Variants in FNDC3B observed in about 807,000 individuals in gnomAD.
FNDC3B encodes fibronectin type III domain-containing protein 3B.
Under a neutral mutation model 151.5 loss-of-function variants are expected in FNDC3B, and 12 were observed. The observed-to-expected ratio is 0.08, with a 90% CI of 0.05 to 0.13. FNDC3B has a LOEUF of 0.13. Among genes scored for constraint, FNDC3B ranks in the 10% least tolerant of loss-of-function variants. The pLI is 1.00. For synonymous variants in FNDC3B, 528 were observed against 549.0 expected, an observed-to-expected ratio of 0.96 and a Z score of 0.54; for missense variants, 1,214 against 1,505.3, an observed-to-expected ratio of 0.81 and a Z score of 3.20.
chr3:172,150,852 TG>T (rs1722182954), intron 3 of FNDC3B, among the ~76,000 whole-genome samples: 1 of 152,176 alleles, frequency 6.6e-6, no homozygotes, highest in African/African-American at 2.4e-5. Context: ...TCCGCTCAAG[TG>T]TTTATCCTTC....
chr3:172,335,131 T>A (rs749105898), intron 15 of FNDC3B, 49 bp downstream of exon 15: 1 of 1,492,390 alleles, frequency 6.7e-7, no homozygotes, highest in Admixed American at 2.5e-5. Context: ...TTTCTTTTGA[T>A]AGATTTTTAA....
chr3:172,248,744 T>C (rs1293978675), intron 5 of FNDC3B, among the ~76,000 whole-genome samples: 3 of 148,734 alleles, frequency 2.0e-5, no homozygotes, highest in Non-Finnish European at 4.5e-5. Context: ...TTTTTATATA[T>C]ATAATTATTC....
At chr3:172,102,164 CT>C (rs1260642992) in intron 1 of FNDC3B, among the ~76,000 whole-genome samples, 4 of 152,156 alleles carry the variant, frequency 2.6e-5, no homozygotes, top group African/African-American at 9.7e-5. Context: ...AGAGCATGGA[CT>C]TTTCATTATC....
chr3:172,151,894 G>A lies in FNDC3B; in HGVS notation c.187+18348G>A, dbSNP rs114339308. 4.0e-3 allele frequency among the ~76,000 whole-genome samples: 608 copies of A among 152,284 alleles called. 3 individuals are homozygous for A. The highest frequency in any genetic ancestry group is 0.014 in the African/African-American group (588 of 41,568). On this transcript the variant is annotated intron_variant, in intron 3 of 25. Transcript: ENST00000415807. ...CAGCTTCCAGGAACCTGTGGATGAC[G>A]TTATGTGAGGGCTTACTGTATTTCT...
At chr3:172,208,077 T>G (rs1288438590) in intron 3 of FNDC3B, among the ~76,000 whole-genome samples, 1 of 150,886 alleles carries the variant, frequency 6.6e-6, no homozygotes, top group Non-Finnish European at 1.5e-5. Context: ...GTAAATTTCA[T>G]TCTATAAAGT....
chr3:172,165,207 A>AC (rs1722951529), intron 3 of FNDC3B, among the ~76,000 whole-genome samples: 1 of 152,002 alleles, frequency 6.6e-6, no homozygotes, highest in Admixed American at 6.6e-5. Flanking sequence ...ATGGGATTTC[A>AC]CCATGTTGCC....
chr3:172,177,158 C>T (rs1032098392), intron 3 of FNDC3B, among the ~76,000 whole-genome samples: 1 of 141,570 alleles, frequency 7.1e-6, no homozygotes, highest in Non-Finnish European at 1.6e-5. Context: ...CCAGATTCTA[C>T]AAGGAAATAC....
chr3:172,056,649 T>C (rs191949982), intron 1 of FNDC3B, among the ~76,000 whole-genome samples: 3 of 152,380 alleles, frequency 2.0e-5, no homozygotes, highest in East Asian at 3.9e-4. Flanking sequence ...TGGCTCAACG[T>C]AGTGTTTTGA....
intron 7 of FNDC3B, 118 bp downstream of exon 7, chr3:172,286,102 C>G: frequency 1.4e-6 from 1 of 700,488 alleles, no homozygotes; most frequent in Non-Finnish European, 2.5e-6. Flanking sequence ...TTGCAGATTA[C>G]TCATCAACTA....
At chr3:172,254,463 A>G (rs1728235750) in intron 6 of FNDC3B, among the ~76,000 whole-genome samples, 1 of 152,218 alleles carries the variant, frequency 6.6e-6, no homozygotes, top group African/African-American at 2.4e-5. Flanking sequence ...AGTTGTACAC[A>G]GTATGGAATA....
In FNDC3B at chr3:172,247,640, T is replaced by C. The variant is rs992062156; in HGVS notation, c.372T>C (p.Pro124=). The C allele has an allele frequency of 6.2e-7, 1 of 1,614,044 alleles. No individual in the cohort carries two copies. The highest frequency in any genetic ancestry group is 1.3e-5 in the African/African-American group (1 of 74,984). The change falls in exon 5 of 26, where the codon CCT becomes CCC. Residue 124 remains proline (P), a synonymous_variant. Transcript: ENST00000415807. ...PSAMSPTHHL[P]PYLTHHPHFI... is the part of the protein sequence containing the mutation. ...CCATGTCTCCAACCCATCATCTCCC[T>C]CCCTATCTGACTCACCATCCACATT...
chr3:172,089,189 G>C (rs1718690423), intron 1 of FNDC3B, among the ~76,000 whole-genome samples: 1 of 152,098 alleles, frequency 6.6e-6, no homozygotes. Flanking sequence ...CAAAGTAAAA[G>C]TAAAAATTAG....
intron 6 of FNDC3B, among the ~76,000 whole-genome samples, chr3:172,253,553 C>T (rs1013420732): frequency 6.6e-6 from 1 of 152,090 alleles, no homozygotes; most frequent in East Asian, 1.9e-4. Context: ...ATCTGTGCCC[C>T]GGAAACAGAC....
intron 1 of FNDC3B, among the ~76,000 whole-genome samples, chr3:172,054,816 C>T (rs149090624): frequency 6.6e-6 from 1 of 152,270 alleles, no homozygotes; most frequent in East Asian, 1.9e-4. Context: ...AAGCCTTTGC[C>T]TCCTTCCAGC....
At chr3:172,275,876 A>G (rs2108810156) in intron 6 of FNDC3B, among the ~76,000 whole-genome samples, 1 of 152,232 alleles carries the variant, frequency 6.6e-6, no homozygotes, top group East Asian at 1.9e-4. Context: ...ATGAAATACC[A>G]CCAGATTAAA....
intron 3 of FNDC3B, among the ~76,000 whole-genome samples, chr3:172,191,598 A>G (rs1267312954): frequency 6.6e-6 from 1 of 151,976 alleles, no homozygotes; most frequent in East Asian, 1.9e-4. Context: ...CTGGGCTCAA[A>G]CAATCCTCCT....
At chr3:172,295,886 G>GT (rs1227808318) in intron 8 of FNDC3B, among the ~76,000 whole-genome samples, 1 of 152,170 alleles carries the variant, frequency 6.6e-6, no homozygotes, top group Non-Finnish European at 1.5e-5. Context: ...TTGTAGCCCT[G>GT]TTTTTTAAAG....
chr3:172,152,080 G>C (rs1467085283), intron 3 of FNDC3B, among the ~76,000 whole-genome samples: 1 of 152,162 alleles, frequency 6.6e-6, no homozygotes, highest in Admixed American at 6.5e-5. Flanking sequence ...GCTTCTTCAT[G>C]TTCACAAATG....
intron 1 of FNDC3B, among the ~76,000 whole-genome samples, chr3:172,059,914 T>C (rs1024119177): frequency 6.6e-6 from 1 of 152,240 alleles, no homozygotes; most frequent in African/African-American, 2.4e-5. Context: ...TTTCACTTAT[T>C]GAGAACTGTC....
Sources: gnomAD v4.1 joint callset for allele counts (sites outside exome capture counted in the v4.1 genomes callset) on GRCh38, gnomAD v4.1.1 for gene constraint, MANE v1.5 for transcripts, NCBI Gene and HGNC (gene_info 2026-07-23, HGNC 2026-07-21) for gene names.